The following RARB variants were observed in gnomAD, a reference collection of about 807,000 sequenced individuals.
RARB encodes retinoic acid receptor beta, also known as HBV-activated protein.
In RARB, 17 loss-of-function variants were observed where a neutral mutation model predicts 51.9. The observed-to-expected ratio is 0.33, with a 90% CI of 0.22 to 0.49. The LOEUF is 0.49. Ranked by LOEUF, RARB falls within the 20% of genes least tolerant of loss-of-function variation. The probability of loss-of-function intolerance (pLI) is 0.99; values close to 1 mark genes in which losing one functional copy is unlikely to be tolerated. For synonymous variants in RARB, 215 were observed against 195.4 expected, an observed-to-expected ratio of 1.10 and a Z score of -0.84; for missense variants, 369 against 550.8, an observed-to-expected ratio of 0.67 and a Z score of 3.30.
chr3:24,916,634 G>A (rs1184290634), intron 2 of RARB, among the ~76,000 whole-genome samples: 1 of 152,138 alleles, frequency 6.6e-6, no homozygotes, highest in Non-Finnish European at 1.5e-5. Context: ...TGGAGAAACT[G>A]GAAATCTTCT....
At chr3:25,138,045 A>G (rs977060937) in intron 4 of RARB, among the ~76,000 whole-genome samples, 13 of 152,096 alleles carry the variant, frequency 8.5e-5, no homozygotes, top group African/African-American at 3.1e-4. Context: ...GAAGAGATAA[A>G]AGTCTAGCAG....
At chr3:25,248,584 G>C (rs1702627087) in intron 5 of RARB, among the ~76,000 whole-genome samples, 1 of 151,950 alleles carries the variant, frequency 6.6e-6, no homozygotes, top group African/African-American at 2.4e-5. Flanking sequence ...GTATCTTTTT[G>C]TTTCCAGGTG....
chr3:25,492,728 T>C (rs1241005278), intron 2 of RARB, among the ~76,000 whole-genome samples: 4 of 152,234 alleles, frequency 2.6e-5, no homozygotes, highest in Admixed American at 6.5e-5. Flanking sequence ...TTAGAACCAT[T>C]TTTCTACGCA....
intron 5 of RARB, among the ~76,000 whole-genome samples, chr3:25,220,181 C>G (rs2125384012): frequency 6.6e-6 from 1 of 152,280 alleles, no homozygotes; most frequent in Non-Finnish European, 1.5e-5. Context: ...AACTCAAAGT[C>G]AACCAGTCAG....
chr3:25,360,494 T>G (rs1408814330), intron 5 of RARB, among the ~76,000 whole-genome samples: 1 of 152,234 alleles, frequency 6.6e-6, no homozygotes, highest in Non-Finnish European at 1.5e-5. Context: ...AATATTGTTA[T>G]GTGTGAATTT....
intron 5 of RARB, among the ~76,000 whole-genome samples, chr3:25,196,820 G>A (rs923807168): frequency 1.3e-5 from 2 of 152,172 alleles, no homozygotes; most frequent in Non-Finnish European, 2.9e-5. Context: ...CTGATGAGCA[G>A]TGATAATGAG....
At chr3:25,384,287 C>T (rs1706727819) in intron 5 of RARB, among the ~76,000 whole-genome samples, 1 of 141,774 alleles carries the variant, frequency 7.1e-6, no homozygotes, top group Admixed American at 7.0e-5. Flanking sequence ...CCTTCTCTTT[C>T]TCCCTTCATT....
At chr3:25,045,541 C>G (rs1166436728) in intron 2 of RARB, among the ~76,000 whole-genome samples, 2 of 152,220 alleles carry the variant, frequency 1.3e-5, no homozygotes. Flanking sequence ...TTGTGTTCAA[C>G]TGTCAAAACG....
chr3:25,192,624 G>C (rs905818137), intron 5 of RARB, among the ~76,000 whole-genome samples: 2 of 152,040 alleles, frequency 1.3e-5, no homozygotes, highest in African/African-American at 4.8e-5. Context: ...TTATTTAAAA[G>C]TTTTTGGTTT....
intron 2 of RARB, among the ~76,000 whole-genome samples, chr3:24,889,906 A>G (rs1216614634): frequency 6.7e-6 from 1 of 149,480 alleles, no homozygotes; most frequent in Non-Finnish European, 1.5e-5. Flanking sequence ...AAGAGCAGGC[A>G]TGAAAAAAAA....
At chr3:25,193,845 A>T (rs988379760) in intron 5 of RARB, among the ~76,000 whole-genome samples, 1 of 151,988 alleles carries the variant, frequency 6.6e-6, no homozygotes, top group African/African-American at 2.4e-5. Context: ...TGACATATAC[A>T]CTATACTGAC....
At chr3:25,205,699 C>T (rs546913241) in intron 5 of RARB, among the ~76,000 whole-genome samples, 1 of 151,998 alleles carries the variant, frequency 6.6e-6, no homozygotes, top group Non-Finnish European at 1.5e-5. Flanking sequence ...ATATGTGCAT[C>T]TATTATGTAC....
intron 1 of RARB, 45 bp downstream of exon 1, chr3:25,428,933 G>T: frequency 6.4e-7 from 1 of 1,559,696 alleles, no homozygotes; most frequent in Non-Finnish European, 8.7e-7. Flanking sequence ...AAAAAAAATT[G>T]TCTCTCTTGC....
chr3:25,027,538 G>A (rs1697774250), intron 2 of RARB, among the ~76,000 whole-genome samples: 1 of 152,042 alleles, frequency 6.6e-6, no homozygotes, highest in Non-Finnish European at 1.5e-5. Context: ...CCAGTTTGTG[G>A]GGGAAACAGC....
At chr3:25,456,239 A>G (rs575495194) in intron 1 of RARB, among the ~76,000 whole-genome samples, 1 of 152,368 alleles carries the variant, frequency 6.6e-6, no homozygotes, top group Admixed American at 6.5e-5. Context: ...ATGACAGTGA[A>G]CAGATCAATG....
At chr3:25,288,883 G>A (rs1703717403) in intron 5 of RARB, among the ~76,000 whole-genome samples, 1 of 151,780 alleles carries the variant, frequency 6.6e-6, no homozygotes, top group South Asian at 2.1e-4. Context: ...TCCCTTTTAT[G>A]CAAGTTTCAA....
At chr3:25,561,148 A>G (rs1184148862) in intron 3 of RARB, among the ~76,000 whole-genome samples, 2 of 152,100 alleles carry the variant, frequency 1.3e-5, no homozygotes, top group East Asian at 3.8e-4. Flanking sequence ...GGGTCCTTCC[A>G]TTTGTCCATT....
intron 5 of RARB, among the ~76,000 whole-genome samples, chr3:25,247,373 A>G (rs1482796303): frequency 6.6e-6 from 1 of 152,142 alleles, no homozygotes; most frequent in African/African-American, 2.4e-5. Flanking sequence ...GGATACAAAC[A>G]AAAACTCTGG....
At chr3:25,130,935 TAATATC>T (rs1211267954) in intron 3 of RARB, among the ~76,000 whole-genome samples, 2 of 21,014 alleles carry the variant, frequency 9.5e-5, no homozygotes, top group East Asian at 3.6e-3. Flanking sequence ...TTATCATTGA[TAATATC>T]AATATTTATT....
Sources: allele counts gnomAD v4.1 joint callset (sites outside exome capture counted in the v4.1 genomes callset), GRCh38; gene constraint gnomAD v4.1.1; transcripts MANE v1.5; gene names NCBI Gene and HGNC (gene_info 2026-07-23, HGNC 2026-07-21).